SLC27A6: variants seen among roughly 807,000 people sequenced by gnomAD.
The protein encoded by SLC27A6 is long-chain fatty acid transport protein 6.
A neutral mutation model predicts 63.9 loss-of-function variants in SLC27A6; 74 were observed. The ratio of observed to expected loss-of-function variants is 1.16; its 90% CI spans 0.96 to 1.40. SLC27A6 has a LOEUF of 1.40. Among genes scored for constraint, SLC27A6 ranks in the 40% most tolerant of loss-of-function variants. The probability of loss-of-function intolerance (pLI) is 0.00; values close to 1 mark genes in which losing one functional copy is unlikely to be tolerated. For synonymous variants in SLC27A6, 287 were observed against 260.8 expected (o/e 1.10, Z -0.97); for missense variants, 794 against 732.9 (o/e 1.08, Z -0.96).
chr5:128,998,581 A>G (rs1751235168), intron 4 of SLC27A6, among the ~76,000 whole-genome samples: 1 of 151,994 alleles, frequency 6.6e-6, no homozygotes, highest in South Asian at 2.1e-4. Flanking sequence ...AAAACCAGAA[A>G]CCCTAAAAAT....
At chr5:129,026,032 A>G (rs1342593894) in intron 6 of SLC27A6, among the ~76,000 whole-genome samples, 1 of 152,136 alleles carries the variant, frequency 6.6e-6, no homozygotes, top group African/African-American at 2.4e-5. Context: ...CTACTTGGGA[A>G]GTTGAGGTGG....
chr5:128,969,173 A>G (rs1297148075), intron 1 of SLC27A6, among the ~76,000 whole-genome samples: 1 of 152,102 alleles, frequency 6.6e-6, no homozygotes, highest in African/African-American at 2.4e-5. Flanking sequence ...GTAGCCCTGT[A>G]GTATAGTTTG....
intron 1 of SLC27A6, among the ~76,000 whole-genome samples, chr5:128,979,875 A>C (rs1750524977): frequency 6.6e-6 from 1 of 152,208 alleles, no homozygotes; most frequent in South Asian, 2.1e-4. Context: ...ATGTTATTGC[A>C]ATAGAAAGAC....
intron 9 of SLC27A6, among the ~76,000 whole-genome samples, chr5:129,032,573 CAA>C (rs1752447018): frequency 6.6e-6 from 1 of 152,022 alleles, no homozygotes; most frequent in Non-Finnish European, 1.5e-5. Flanking sequence ...CTCTTGAAAA[CAA>C]GATATCCTGT....
At chr5:128,972,504 A>G (rs1298273290) in intron 1 of SLC27A6, among the ~76,000 whole-genome samples, 1 of 151,538 alleles carries the variant, frequency 6.6e-6, no homozygotes, top group Non-Finnish European at 1.5e-5. Flanking sequence ...GTTTCATTTC[A>G]TTTCATTCAT....
chr5:129,023,535 C>T, intron 5 of SLC27A6, 85 bp from the exon 6 acceptor site: 2 of 837,966 alleles, frequency 2.4e-6, no homozygotes, highest in Non-Finnish European at 3.8e-6. Context: ...TAGTCTACTA[C>T]AGTAGACTAA....
intron 4 of SLC27A6, among the ~76,000 whole-genome samples, chr5:129,007,217 G>A (rs970723518): frequency 1.8e-4 from 28 of 151,778 alleles, no homozygotes; most frequent in Admixed American, 6.6e-5. Flanking sequence ...AGGCCGAGGC[G>A]GGTGGATCAC....
In SLC27A6 at chr5:129,029,698, A is replaced by G; in HGVS notation, c.1674A>G (p.Leu558=). The G allele has an allele frequency of 6.3e-7, 1 of 1,596,128 alleles. No homozygotes were observed. Among genetic ancestry groups the G allele is most frequent in the Non-Finnish European group, 8.5e-7 (1 of 1,174,924 alleles). ...CAGCTTATGCTTGTCCACGATTTTT[A>G]AGAATTCAGGTAATTTTAGTGGCGG... The part of the protein sequence containing the change: ...FLPAYACPRF[L]RIQEKMEATG... Residue 558 remains leucine (L), a synonymous_variant, in exon 9 of 10, where the codon TTA becomes TTG. Coordinates refer to ENST00000262462, the MANE Select transcript of SLC27A6 (RefSeq NM_001017372.3).
Position 129,018,772 on chromosome 5 carries a change from G to A in SLC27A6, c.1164+2693G>A, listed in dbSNP as rs115457558. On this transcript the variant is annotated intron_variant, in intron 5 of 9. Transcript: ENST00000262462. Reference sequence around the variant, plus strand: ...TAAATTTTCTGTCAACTGTAATAACGTCAATCATATAAAAAGTCATGATTG... The same window carrying A: ...TAAATTTTCTGTCAACTGTAATAACATCAATCATATAAAAAGTCATGATTG... Among the ~76,000 whole-genome samples the A allele has an allele frequency of 3.7e-3, 557 of 151,958 alleles. 2 individuals carry two copies. Among genetic ancestry groups the A allele is most frequent in the African/African-American group, 0.012 (498 of 41,476 alleles).
intron 1 of SLC27A6, among the ~76,000 whole-genome samples, chr5:128,981,821 T>TC (rs70997400): frequency 6.6e-6 from 1 of 151,524 alleles, no homozygotes; most frequent in Non-Finnish European, 1.5e-5. Context: ...TCTTTTCTTT[T>TC]TTTTTTTGTT....
At chr5:128,998,117 C>CAAA (rs34463699) in intron 4 of SLC27A6, among the ~76,000 whole-genome samples, 14 of 89,374 alleles carry the variant, frequency 1.6e-4, no homozygotes, top group Non-Finnish European at 2.2e-4. Context: ...CCCATCTCTA[C>CAAA]AAAAAAAAAA....
intron 4 of SLC27A6, among the ~76,000 whole-genome samples, chr5:129,003,879 G>C (rs1050126042): frequency 2.0e-5 from 3 of 148,894 alleles, no homozygotes; most frequent in Admixed American, 1.4e-4. Flanking sequence ...GAGGTGGGAG[G>C]ATTGCTTGAG....
Position 128,991,721 on chromosome 5 carries a change from T to TA in SLC27A6, c.969+1268dup, listed in dbSNP as rs1181727318. On this transcript the variant is annotated intron_variant, in intron 4 of 9. Coordinates refer to ENST00000262462, the MANE Select transcript of SLC27A6 (RefSeq NM_001017372.3). ...GATATCTTTTTGTTTTACTTTAAAT[T>TA]AAAAAAAAAAACCCACATTGCTTTG... is the stretch of plus-strand genomic sequence containing the variant. Among the ~76,000 whole-genome samples the TA allele has an allele frequency of 2.2e-3, 330 of 148,854 alleles. 2 individuals carry two copies. The highest frequency in any genetic ancestry group is 6.7e-3 in the African/African-American group (271 of 40,738).
chr5:128,978,143 A>G (rs1370390937), intron 1 of SLC27A6, among the ~76,000 whole-genome samples: 5 of 152,222 alleles, frequency 3.3e-5, no homozygotes, highest in Non-Finnish European at 7.3e-5. Flanking sequence ...AGGAAATAAT[A>G]GTATTATAAA....
chr5:129,011,470 A>C (rs1379452533), intron 4 of SLC27A6, among the ~76,000 whole-genome samples: 1 of 152,208 alleles, frequency 6.6e-6, no homozygotes, highest in Non-Finnish European at 1.5e-5. Context: ...TACCTGCTCA[A>C]CACTTTGTCA....
chr5:129,003,865 A>G (rs1751428991), intron 4 of SLC27A6, among the ~76,000 whole-genome samples: 1 of 148,564 alleles, frequency 6.7e-6, no homozygotes. Flanking sequence ...CTACTTGGGA[A>G]GGTGAGGTGG....
chr5:129,010,912 C>G (rs145993830), intron 4 of SLC27A6, among the ~76,000 whole-genome samples: 3 of 152,268 alleles, frequency 2.0e-5, no homozygotes, highest in South Asian at 2.1e-4. Context: ...GGACTTTTGA[C>G]CTACGGACAC....
At chr5:129,032,198 A>T (rs571703503) in intron 9 of SLC27A6, among the ~76,000 whole-genome samples, 1 of 152,164 alleles carries the variant, frequency 6.6e-6, no homozygotes, top group South Asian at 2.1e-4. Context: ...TTGTTTATTC[A>T]CTAGTTAAGG....
At chr5:129,011,285 T>C (rs1307244020) in intron 4 of SLC27A6, among the ~76,000 whole-genome samples, 1 of 152,206 alleles carries the variant, frequency 6.6e-6, no homozygotes, top group Non-Finnish European at 1.5e-5. Context: ...ATTTGTTCCA[T>C]GTCCTTGCCA....
Sources: allele counts gnomAD v4.1 joint callset (sites outside exome capture counted in the v4.1 genomes callset), GRCh38; gene constraint gnomAD v4.1.1; transcripts MANE v1.5; gene names NCBI Gene and HGNC (gene_info 2026-07-23, HGNC 2026-07-21).